The following PITPNC1 variants were observed in gnomAD, a reference collection of about 807,000 sequenced individuals.
PITPNC1 encodes phosphatidylinositol transfer protein cytoplasmic 1, also known as cytoplasmic phosphatidylinositol transfer protein 1.
Under a neutral mutation model 44.7 loss-of-function variants are expected in PITPNC1, and 18 were observed. The ratio of observed to expected loss-of-function variants is 0.40; its 90% CI spans 0.28 to 0.60. The LOEUF (loss-of-function observed/expected upper bound fraction) is 0.60, where lower values mean the gene tolerates loss of function less well. Ranked by LOEUF, PITPNC1 falls within the 20% of genes least tolerant of loss-of-function variation. The pLI, the probability that PITPNC1 is intolerant of heterozygous loss-of-function variation, is 0.39. For synonymous variants in PITPNC1, 141 were observed against 149.6 expected (o/e 0.94, Z 0.42); for missense variants, 290 against 418.4 (o/e 0.69, Z 2.68).
At chr17:67,634,056 C>G (rs186871294) in intron 6 of PITPNC1, among the ~76,000 whole-genome samples, 4 of 152,284 alleles carry the variant, frequency 2.6e-5, no homozygotes, top group African/African-American at 4.8e-5. Context: ...CTCTGTGCCC[C>G]CAAAGAACCT....
At chr17:67,649,756 G>C (rs1213198746) in intron 6 of PITPNC1, among the ~76,000 whole-genome samples, 1 of 151,882 alleles carries the variant, frequency 6.6e-6, no homozygotes, top group Non-Finnish European at 1.5e-5. Context: ...TTTTAATCTG[G>C]GGTCTCCACG....
chr17:67,476,729 C>T (rs1007524463), intron 1 of PITPNC1, among the ~76,000 whole-genome samples: 2 of 151,954 alleles, frequency 1.3e-5, no homozygotes, highest in Admixed American at 6.6e-5. Flanking sequence ...AAGCAATACT[C>T]CCACCTCCAC....
intron 1 of PITPNC1, among the ~76,000 whole-genome samples, chr17:67,451,702 G>A (rs1340914474): frequency 3.3e-5 from 5 of 150,660 alleles, no homozygotes; most frequent in African/African-American, 9.8e-5. Context: ...GCAGTGGCGC[G>A]ATCTCGGCTC....
At chr17:67,507,683 CAAAAAA>C (rs59838492) in intron 1 of PITPNC1, among the ~76,000 whole-genome samples, 21 of 79,508 alleles carry the variant, frequency 2.6e-4, no homozygotes, top group African/African-American at 9.0e-4. Flanking sequence ...GACTTGGTCT[CAAAAAA>C]AAAAAAAAAA....
At chr17:67,590,447 T>A (rs1568055303) in intron 5 of PITPNC1, among the ~76,000 whole-genome samples, 1 of 152,180 alleles carries the variant, frequency 6.6e-6, no homozygotes, top group Non-Finnish European at 1.5e-5. Context: ...ACTGAAACTA[T>A]TTTTTGTGTA....
At chr17:67,626,581 G>A (rs1291799748) in intron 5 of PITPNC1, among the ~76,000 whole-genome samples, 2 of 152,068 alleles carry the variant, frequency 1.3e-5, no homozygotes, top group Non-Finnish European at 2.9e-5. Flanking sequence ...TGTTGGCCAG[G>A]CTGGTCTTAA....
At chr17:67,582,110 A>AT (rs2041243020) in intron 5 of PITPNC1, among the ~76,000 whole-genome samples, 1 of 152,220 alleles carries the variant, frequency 6.6e-6, no homozygotes. Flanking sequence ...AAATCTGAAC[A>AT]TAAGAAGTAT....
chr17:67,401,854 A>AG (rs2038319006), intron 1 of PITPNC1, among the ~76,000 whole-genome samples: 1 of 151,754 alleles, frequency 6.6e-6, no homozygotes, highest in African/African-American at 2.4e-5. Context: ...AAGAAAAAAA[A>AG]AAAAGAAAAG....
intron 8 of PITPNC1, among the ~76,000 whole-genome samples, chr17:67,681,381 G>A (rs758719813): frequency 2.0e-5 from 3 of 152,062 alleles, no homozygotes; most frequent in Non-Finnish European, 1.5e-5. Flanking sequence ...GGGAGGCCAA[G>A]GCAGGAGAAT....
chr17:67,471,246 A>C (rs928057508), intron 1 of PITPNC1, among the ~76,000 whole-genome samples: 21 of 150,844 alleles, frequency 1.4e-4, no homozygotes, highest in African/African-American at 4.4e-4. Context: ...AATGTAAAAA[A>C]AAAAAAAAAA....
chr17:67,538,977 A>G (rs2040567718), intron 2 of PITPNC1, among the ~76,000 whole-genome samples: 1 of 151,966 alleles, frequency 6.6e-6, no homozygotes, highest in Non-Finnish European at 1.5e-5. Context: ...TTTAATTTGA[A>G]AAAAAAGACA....
Position 67,575,934 on chromosome 17 carries a change from T to A in PITPNC1, c.295-2252T>A, listed in dbSNP as rs942304981. On this transcript the variant is annotated intron_variant, in intron 4 of 8. Coordinates refer to ENST00000581322, the MANE Select transcript of PITPNC1 (RefSeq NM_012417.4). ...CTCTGTTGCCCAGACTGGAGTGCAA[T>A]GGCATGATCTCAGCTCACTGCAACC... 1.4e-4 allele frequency among the ~76,000 whole-genome samples: 19 copies of A among 137,190 alleles called. 1 individual carries two copies. Among genetic ancestry groups the A allele is most frequent in the Middle Eastern group, 4.0e-3 (1 of 250 alleles). The allele number at this position is 137,190 out of a possible 152,430, so 90.0% of individuals were successfully genotyped here. A position where few individuals can be genotyped will look rare whatever the true frequency, so the allele number is the denominator to read the frequency against.
At chr17:67,621,810 A>G (rs1004263868) in intron 5 of PITPNC1, among the ~76,000 whole-genome samples, 4 of 152,156 alleles carry the variant, frequency 2.6e-5, no homozygotes, top group Admixed American at 6.6e-5. Flanking sequence ...AGAAAAAAGA[A>G]TAGAGACCAA....
chr17:67,433,110 G>T (rs1322935807), intron 1 of PITPNC1, among the ~76,000 whole-genome samples: 4 of 152,182 alleles, frequency 2.6e-5, no homozygotes, highest in Non-Finnish European at 4.4e-5. Context: ...AATCGTGGGA[G>T]CAAGGCTTGT....
rs541586315 is a variant in PITPNC1, at chr17:67,602,971, G to T, written c.366+24714G>T. 6.8e-4 allele frequency among the ~76,000 whole-genome samples: 103 copies of T among 152,086 alleles called. 1 individual carries two copies. Among genetic ancestry groups the T allele is most frequent in the Non-Finnish European group, 1.2e-3 (83 of 67,994 alleles). ...TCCCAGGCTGGTCTCCAACTCCTGG[G>T]CTCAAGTGATCCTCTTGCCTCACCC... On this transcript the variant is annotated intron_variant, in intron 5 of 8. Coordinates refer to ENST00000581322, the MANE Select transcript of PITPNC1 (RefSeq NM_012417.4).
chr17:67,421,867 C>T (rs2038676632), intron 1 of PITPNC1, among the ~76,000 whole-genome samples: 1 of 152,190 alleles, frequency 6.6e-6, no homozygotes, highest in South Asian at 2.1e-4. Flanking sequence ...GCCACCAAAT[C>T]CTTCCTTGAT....
At chr17:67,429,564 G>T (rs543420996) in intron 1 of PITPNC1, among the ~76,000 whole-genome samples, 1 of 152,230 alleles carries the variant, frequency 6.6e-6, no homozygotes, top group East Asian at 1.9e-4. Flanking sequence ...TGGGCGTGGT[G>T]GCGATTGCCT....
At chr17:67,409,659 C>T (rs1294640739) in intron 1 of PITPNC1, among the ~76,000 whole-genome samples, 1 of 152,008 alleles carries the variant, frequency 6.6e-6, no homozygotes, top group African/African-American at 2.4e-5. Flanking sequence ...CTGTGTCAGC[C>T]TCCCAAGTAG....
chr17:67,451,610 G>A (rs2039176827), intron 1 of PITPNC1, among the ~76,000 whole-genome samples: 1 of 151,518 alleles, frequency 6.6e-6, no homozygotes, highest in Non-Finnish European at 1.5e-5. Context: ...TATACAACAT[G>A]TAGTCCTTTG....
Sources: allele counts gnomAD v4.1 joint callset (sites outside exome capture counted in the v4.1 genomes callset), GRCh38; gene constraint gnomAD v4.1.1; transcripts MANE v1.5; gene names NCBI Gene and HGNC (gene_info 2026-07-23, HGNC 2026-07-21).